Variants in COLEC12 observed in about 807,000 individuals in gnomAD.
COLEC12 encodes the protein collectin-12.
In COLEC12, 33 loss-of-function variants were observed where a neutral mutation model predicts 71.1. The ratio of observed to expected loss-of-function variants is 0.46; its 90% CI spans 0.35 to 0.62. COLEC12 has a LOEUF of 0.62. COLEC12 is among the 20% of genes least tolerant of loss of function. The pLI is 0.00. For missense variants in COLEC12, 765 were observed against 916.1 expected (o/e 0.84, Z 2.13); for synonymous variants, 350 against 353.0 (o/e 0.99, Z 0.10).
chr18:477,665 T>C (rs1567920268), intron 2 of COLEC12, among the ~76,000 whole-genome samples: 1 of 152,206 alleles, frequency 6.6e-6, no homozygotes, highest in Non-Finnish European at 1.5e-5. Flanking sequence ...CCTGTGTTTT[T>C]ATAGTGTTGT....
At chr18:386,406 G>A (rs1055266484) in intron 2 of COLEC12, among the ~76,000 whole-genome samples, 2 of 152,168 alleles carry the variant, frequency 1.3e-5, no homozygotes, top group Admixed American at 1.3e-4. Context: ...TGGACTAGTG[G>A]CATCAGCATT....
chr18:468,686 C>A (rs1178280080), intron 2 of COLEC12, among the ~76,000 whole-genome samples: 1 of 152,224 alleles, frequency 6.6e-6, no homozygotes, highest in African/African-American at 2.4e-5. Context: ...AAGTGCCAGG[C>A]ATTGTGCTAA....
At chr18:356,456 C>A (rs1298907089) in intron 3 of COLEC12, among the ~76,000 whole-genome samples, 1 of 152,154 alleles carries the variant, frequency 6.6e-6, no homozygotes, top group Non-Finnish European at 1.5e-5. Context: ...CATTCCAATA[C>A]ACACTGTGCT....
intron 2 of COLEC12, among the ~76,000 whole-genome samples, chr18:441,521 T>A (rs542511059): frequency 6.6e-6 from 1 of 152,172 alleles, no homozygotes; most frequent in South Asian, 2.1e-4. Flanking sequence ...GACTCTAGAT[T>A]GGGGCATTCA....
At position 455,992 on chromosome 18, in the gene COLEC12, A is replaced by AGT. The variant is rs1157209044; in HGVS notation, c.58+24713_58+24714dup. On this transcript the variant is annotated intron_variant, in intron 2 of 9. Transcript: ENST00000400256. ...CACACTTTAACTGACACAATAGTTA[A>AGT]GTGTATCAAGCACAACCCAGGCAGG... Among the ~76,000 whole-genome samples, 12 of 152,180 alleles carry AGT rather than the reference A, an allele frequency of 7.9e-5. No individual in the cohort carries two copies. In the East Asian group the frequency reaches 2.3e-3, roughly 29 times the overall value.
In COLEC12 at chr18:480,491, T is replaced by C. The variant is rs1288357110; in HGVS notation, c.58+216A>G. ...CCATGAACATCCCATCACTTCCCCATGCCTGGGTGCAGCTCCTGTCCCATG... is the reference window on the plus strand; with the variant it reads ...CCATGAACATCCCATCACTTCCCCACGCCTGGGTGCAGCTCCTGTCCCATG... On this transcript the variant is annotated intron_variant, in intron 2 of 9. Transcript: ENST00000400256. This position sits in a 1 kb window ranked among gnomAD's most constrained non-coding sequence, Gnocchi z 4.1. 6.6e-6 allele frequency among the ~76,000 whole-genome samples: 1 copy of C among 152,174 alleles called. No individual in the cohort carries two copies. The highest frequency in any genetic ancestry group is 2.4e-5 in the African/African-American group (1 of 41,450).
chr18:357,606 G>A, intron 2 of COLEC12, 84 bp from the exon 3 acceptor site: 6 of 1,128,074 alleles, frequency 5.3e-6, no homozygotes, highest in East Asian at 2.5e-5. Flanking sequence ...TCAAATATTG[G>A]GACTAAGAAT....
chr18:323,261 A>G (rs576854579), intron 8 of COLEC12, among the ~76,000 whole-genome samples: 8 of 152,320 alleles, frequency 5.3e-5, no homozygotes, highest in African/African-American at 1.9e-4. Context: ...GAGTGGCCTC[A>G]ATTAAATAAA....
At chr18:477,942 A>G (rs1301533133) in intron 2 of COLEC12, among the ~76,000 whole-genome samples, 2 of 152,214 alleles carry the variant, frequency 1.3e-5, no homozygotes, top group Non-Finnish European at 2.9e-5. Context: ...TTCAATGGTT[A>G]AAGTTTAACC....
chr18:488,026 A>C (rs1045737489), intron 1 of COLEC12, among the ~76,000 whole-genome samples: 2 of 152,350 alleles, frequency 1.3e-5, no homozygotes, highest in South Asian at 2.1e-4. Flanking sequence ...GAAAATTAAT[A>C]CCTCAGAAAA....
At chr18:475,406 G>A (rs1270936616) in intron 2 of COLEC12, among the ~76,000 whole-genome samples, 1 of 152,156 alleles carries the variant, frequency 6.6e-6, no homozygotes. Flanking sequence ...TGAGAGGGAT[G>A]CCTGGAGCCC....
intron 2 of COLEC12, among the ~76,000 whole-genome samples, chr18:358,636 C>T (rs1914678735): frequency 6.6e-6 from 1 of 152,206 alleles, no homozygotes; most frequent in Non-Finnish European, 1.5e-5. Context: ...ACAGATGATG[C>T]TTCACTCACT....
intron 2 of COLEC12, among the ~76,000 whole-genome samples, chr18:425,143 T>G (rs1916175314): frequency 6.6e-6 from 1 of 152,242 alleles, no homozygotes; most frequent in African/African-American, 2.4e-5. Flanking sequence ...AAGAACTTAG[T>G]GCAACCTTCT....
chr18:426,364 C>A (rs1567904591), intron 2 of COLEC12, among the ~76,000 whole-genome samples: 1 of 152,090 alleles, frequency 6.6e-6, no homozygotes, highest in Non-Finnish European at 1.5e-5. Context: ...GAGGTCTCTG[C>A]ATGTTTTGGG....
At chr18:352,970 A>G (rs1324906460) in intron 3 of COLEC12, among the ~76,000 whole-genome samples, 1 of 152,206 alleles carries the variant, frequency 6.6e-6, no homozygotes, top group Non-Finnish European at 1.5e-5. Flanking sequence ...CTTAAGGTAG[A>G]ATTTTTCTAC....
intron 2 of COLEC12, among the ~76,000 whole-genome samples, chr18:365,744 A>G (rs561839151): frequency 2.0e-4 from 30 of 152,212 alleles, no homozygotes; most frequent in Non-Finnish European, 4.3e-4. Context: ...TTTCTTACCA[A>G]TACCTCCTTG....
chr18:395,381 T>C (rs1490722398), intron 2 of COLEC12, among the ~76,000 whole-genome samples: 2 of 152,176 alleles, frequency 1.3e-5, no homozygotes, highest in Non-Finnish European at 2.9e-5. Context: ...ACAGACCCTC[T>C]CATCCCATTT....
intron 2 of COLEC12, among the ~76,000 whole-genome samples, chr18:437,282 G>A (rs1215190501): frequency 6.6e-6 from 1 of 152,118 alleles, no homozygotes; most frequent in Admixed American, 6.5e-5. Flanking sequence ...AGAACATCTG[G>A]GACGCTGGGC....
chr18:439,628 C>T (rs1916474958), intron 2 of COLEC12, among the ~76,000 whole-genome samples: 1 of 151,400 alleles, frequency 6.6e-6, no homozygotes, highest in Admixed American at 6.6e-5. Context: ...GGAACCAAAA[C>T]CACAATGAAA....
Sources: gnomAD v4.1 joint callset for allele counts (sites outside exome capture counted in the v4.1 genomes callset) on GRCh38, gnomAD v4.1.1 for gene constraint, Gnocchi (gnomAD v3.1) non-coding constraint, MANE v1.5 for transcripts, NCBI Gene and HGNC (gene_info 2026-07-23, HGNC 2026-07-21) for gene names.